The following GLIPR2 variants were observed in gnomAD, a reference collection of about 807,000 sequenced individuals.
The protein encoded by GLIPR2 is GLI pathogenesis related 2.
Under a neutral mutation model 20.4 loss-of-function variants are expected in GLIPR2, and 21 were observed. The ratio of observed to expected loss-of-function variants is 1.03; its 90% CI spans 0.73 to 1.48. The LOEUF (loss-of-function observed/expected upper bound fraction) is 1.48, where lower values mean the gene tolerates loss of function less well. Ranked by LOEUF, GLIPR2 falls within the 40% of genes most tolerant of loss-of-function variation. The probability of loss-of-function intolerance (pLI) is 0.00; values close to 1 mark genes in which losing one functional copy is unlikely to be tolerated. For missense variants in GLIPR2, 205 were observed against 200.1 expected (o/e 1.02, Z -0.15); for synonymous variants, 91 against 80.5 (o/e 1.13, Z -0.70).
chr9:36,136,737 T>TGCAGC lies in GLIPR2; in HGVS notation c.-36_-32dup. 1 of 1,258,434 alleles carries TGCAGC rather than the reference T, an allele frequency of 7.9e-7. No individual in the cohort carries two copies. Among genetic ancestry groups the TGCAGC allele is most frequent in the Non-Finnish European group, 1.0e-6 (1 of 999,890 alleles). 78.0% of individuals were successfully genotyped at this position (1,258,434 alleles called of 1,614,324 possible). ...GCGGCGCTGGGCCGGGCGAGCGCAG[T>TGCAGC]GCAGCGCAGCCGCGGGGAGCGAGGA... On this transcript the variant is annotated 5_prime_UTR_variant, in exon 1 of 5. Transcript: ENST00000377960. This position sits in a 1 kb window ranked among gnomAD's most constrained non-coding sequence, Gnocchi z 4.3.
At chr9:36,155,185 T>G (rs768412078) in intron 4 of GLIPR2, among the ~76,000 whole-genome samples, 2 of 152,264 alleles carry the variant, frequency 1.3e-5, no homozygotes, top group Non-Finnish European at 2.9e-5. Flanking sequence ...TTGCTTCAAT[T>G]GTATCATGTC....
intron 4 of GLIPR2, among the ~76,000 whole-genome samples, chr9:36,155,083 G>A (rs558874977): frequency 6.6e-6 from 1 of 152,330 alleles, no homozygotes; most frequent in South Asian, 2.1e-4. Flanking sequence ...ATTCTGGGTG[G>A]AAACCAGAGT....
intron 4 of GLIPR2, among the ~76,000 whole-genome samples, chr9:36,156,428 C>G (rs1407113506): frequency 1.4e-5 from 2 of 144,494 alleles, no homozygotes; most frequent in Non-Finnish European, 3.0e-5. Context: ...TGTAGTAAAG[C>G]ACATATAACT....
Position 36,163,303 on chromosome 9 carries a change from T to C in GLIPR2, c.*781T>C. 5.3e-6 allele frequency: 1 copy of C among 187,198 alleles called. No homozygotes were observed. Among genetic ancestry groups the C allele is most frequent in the South Asian group, 8.9e-5 (1 of 11,264 alleles). The allele number at this position is 187,198 out of a possible 1,614,324, so 11.6% of individuals were successfully genotyped here. A position where few individuals can be genotyped will look rare whatever the true frequency, so the allele number is the denominator to read the frequency against. On this transcript the variant is annotated 3_prime_UTR_variant, in exon 5 of 5. Coordinates refer to ENST00000377960, the MANE Select transcript of GLIPR2 (RefSeq NM_022343.4). The stretch of plus-strand genomic sequence containing the variant: ...TGGAGAGTTGGGCTAGGCCTGAAGC[T>C]CCCCCTCCCCCACCTCTGCTAGGCA...
At position 36,141,208 on chromosome 9, in the gene GLIPR2, G is replaced by T. The variant is rs142900040; in HGVS notation, c.13+4417G>T. 3.6e-4 allele frequency among the ~76,000 whole-genome samples: 55 copies of T among 152,282 alleles called. 1 individual carries two copies. The East Asian group carries it at 7.9e-3, about 22-fold the overall frequency. On this transcript the variant is annotated intron_variant, in intron 1 of 4. Transcript: ENST00000377960. ...GTAGATACTGCTGTTCTCATTTTAT[G>T]TATGGGGAAAGGAGGCACAGAGTGT...
In GLIPR2 at chr9:36,154,351, C is replaced by T. The variant is rs571571319; in HGVS notation, c.304+3402C>T. ...GATACCAATTTCCTGTGAATCATTC[C>T]GGAGGTGTCCTGTGCTTACACCAGC... On this transcript the variant is annotated intron_variant, in intron 4 of 4. Coordinates refer to ENST00000377960, the MANE Select transcript of GLIPR2 (RefSeq NM_022343.4). Among the ~76,000 whole-genome samples, 119 of 152,220 alleles carry T rather than the reference C, an allele frequency of 7.8e-4. 1 individual carries two copies. Among genetic ancestry groups the T allele is most frequent in the Non-Finnish European group, 4.4e-4 (30 of 68,034 alleles).
intron 1 of GLIPR2, among the ~76,000 whole-genome samples, chr9:36,142,283 C>T (rs1563878705): frequency 6.6e-6 from 1 of 151,668 alleles, no homozygotes; most frequent in Non-Finnish European, 1.5e-5. Flanking sequence ...CACCCGCTGC[C>T]TCTTTCCATC....
At chr9:36,142,352 T>A (rs56743394) in intron 1 of GLIPR2, among the ~76,000 whole-genome samples, 1,526 of 152,302 alleles carry the variant, frequency 0.01, 28 homozygotes, top group African/African-American at 0.034. Flanking sequence ...GGGCTTTGCA[T>A]AGGATCTGGA....
intron 4 of GLIPR2, among the ~76,000 whole-genome samples, chr9:36,152,068 G>C (rs1479437377): frequency 6.6e-6 from 1 of 152,182 alleles, no homozygotes; most frequent in Non-Finnish European, 1.5e-5. Context: ...CCTTCTGGGT[G>C]GGGGTTTCTG....
intron 4 of GLIPR2, among the ~76,000 whole-genome samples, chr9:36,161,560 A>G (rs191647457): frequency 2.0e-5 from 3 of 151,358 alleles, no homozygotes; most frequent in East Asian, 3.9e-4. Context: ...TTCAATATCT[A>G]TAAGTGAGGG....
intron 3 of GLIPR2, among the ~76,000 whole-genome samples, chr9:36,149,793 CG>C (rs1825501965): frequency 6.6e-6 from 1 of 152,146 alleles, no homozygotes; most frequent in African/African-American, 2.4e-5. Context: ...TTTGGGAGGC[CG>C]AGGTGGGTGG....
At chr9:36,141,970 A>G in intron 1 of GLIPR2, 1 of 419,916 alleles carries the variant, frequency 2.4e-6, no homozygotes, top group Admixed American at 3.2e-5. Context: ...CCCTTCCCTC[A>G]GCCCTGGGGA....
At chr9:36,162,290 T>C (rs1587165856) in intron 4 of GLIPR2, 72 bp from the exon 5 acceptor site, 1 of 1,600,414 alleles carries the variant, frequency 6.2e-7, no homozygotes, top group East Asian at 2.2e-5. Flanking sequence ...GGTTCAACAA[T>C]CCCCTGCCAC....
chr9:36,148,329 ACT>A (rs1463024304), intron 2 of GLIPR2, among the ~76,000 whole-genome samples: 4 of 150,782 alleles, frequency 2.7e-5, no homozygotes, highest in Admixed American at 1.3e-4. Flanking sequence ...TTGAATAACC[ACT>A]CTCTCACTCA....
intron 4 of GLIPR2, among the ~76,000 whole-genome samples, chr9:36,155,538 GA>G (rs1825791825): frequency 1.3e-5 from 2 of 151,874 alleles, no homozygotes; most frequent in African/African-American, 4.8e-5. Flanking sequence ...AGGTTGCAGT[GA>G]CATGAGATCG....
At chr9:36,153,858 G>A (rs943169041) in intron 4 of GLIPR2, among the ~76,000 whole-genome samples, 1 of 151,536 alleles carries the variant, frequency 6.6e-6, no homozygotes, top group Non-Finnish European at 1.5e-5. Context: ...CCAAGATCTC[G>A]CCACTGCACT....
At chr9:36,146,811 T>C (rs755718158) in intron 1 of GLIPR2, among the ~76,000 whole-genome samples, 6 of 151,956 alleles carry the variant, frequency 3.9e-5, no homozygotes, top group Non-Finnish European at 7.4e-5. Context: ...CCCACCCCCA[T>C]GGCTTAGGGC....
intron 4 of GLIPR2, among the ~76,000 whole-genome samples, chr9:36,155,189 T>C (rs1825779147): frequency 6.6e-6 from 1 of 152,256 alleles, no homozygotes; most frequent in Non-Finnish European, 1.5e-5. Context: ...TTCAATTGTA[T>C]CATGTCAACT....
chr9:36,158,232 A>T (rs931022577), intron 4 of GLIPR2, among the ~76,000 whole-genome samples: 2 of 152,210 alleles, frequency 1.3e-5, no homozygotes, highest in Non-Finnish European at 1.5e-5. Flanking sequence ...TTGCTGAGTC[A>T]TTGCAATTCT....
Sources: allele counts gnomAD v4.1 joint callset (sites outside exome capture counted in the v4.1 genomes callset), GRCh38; gene constraint gnomAD v4.1.1; non-coding constraint Gnocchi (gnomAD v3.1); transcripts MANE v1.5; gene names NCBI Gene and HGNC (gene_info 2026-07-23, HGNC 2026-07-21).